The following FGD4 variants were observed in gnomAD, a reference collection of about 807,000 sequenced individuals.
FGD4 encodes FYVE, RhoGEF and PH domain containing 4.
Under a neutral mutation model 102.0 loss-of-function variants are expected in FGD4, and 42 were observed. The observed-to-expected ratio is 0.41, with a 90% confidence interval of 0.32 to 0.53. FGD4 has a LOEUF of 0.53. Among genes scored for constraint, FGD4 ranks in the 20% least tolerant of loss-of-function variants. The pLI, the probability that FGD4 is intolerant of heterozygous loss-of-function variation, is 0.21. For missense variants in FGD4, 902 were observed against 1,078.2 expected (o/e 0.84, Z 2.29); for synonymous variants, 380 against 375.7 (o/e 1.01, Z -0.13).
At chr12:32,554,576 A>C (rs1277458216) in intron 1 of FGD4, among the ~76,000 whole-genome samples, 4 of 152,224 alleles carry the variant, frequency 2.6e-5, no homozygotes, top group Non-Finnish European at 5.9e-5. Flanking sequence ...AACCAGGGAA[A>C]ACTGACAATA....
chr12:32,551,932 C>G (rs1482447767), intron 1 of FGD4, among the ~76,000 whole-genome samples: 1 of 152,200 alleles, frequency 6.6e-6, no homozygotes, highest in African/African-American at 2.4e-5. Flanking sequence ...GCCCATTTGT[C>G]ACCACCAACA....
chr12:32,442,443 T>TTATGAAGG (rs1942472931), intron 1 of FGD4, among the ~76,000 whole-genome samples: 1 of 152,126 alleles, frequency 6.6e-6, no homozygotes. Flanking sequence ...CTTTTGGTTC[T>TTATGAAGG]TATGAAGGTG....
At chr12:32,564,014 G>A (rs1334328915) in intron 1 of FGD4, 123 bp from the exon 2 acceptor site, 2 of 898,752 alleles carry the variant, frequency 2.2e-6, no homozygotes, top group East Asian at 5.5e-5. Flanking sequence ...ACCGTGGAAA[G>A]GGGAGAGGGA....
rs11287949 is a variant in FGD4 at position 32,544,731 on chromosome 12, C to CA, written c.167-19394dup. 0.014 allele frequency among the ~76,000 whole-genome samples: 2,036 copies of CA among 143,524 alleles called. 48 individuals carry two copies. The highest frequency in any genetic ancestry group is 0.047 in the African/African-American group (1,879 of 40,068). The allele number at this position is 143,524 out of a possible 152,430, so 94.2% of individuals were successfully genotyped here. The stretch of plus-strand genomic sequence containing the variant: ...TGGTGACAGAAGGATACTCTGTCTC[C>CA]AAAAAAAAAAAATTACTATTAAAAT... On this transcript the variant is annotated intron_variant, in intron 1 of 16. Transcript: ENST00000534526. This position sits in a 1 kb window ranked among gnomAD's most constrained non-coding sequence, Gnocchi z 4.1.
rs1460495630 is a variant in FGD4 at position 32,566,936 on chromosome 12, GAAAGCAGAAAGAA to G, written c.319+2656_319+2668del. Among the ~76,000 whole-genome samples the G allele has an allele frequency of 2.6e-5, 4 of 152,214 alleles. No individual in the cohort carries two copies. The South Asian group carries it at 8.3e-4, about 32-fold the overall frequency. On this transcript the variant is annotated intron_variant, in intron 2 of 16. Transcript: ENST00000534526. ...TGGAGTCAGGCTGGCAGGAGCAGGG[GAAAGCAGAAAGAA>G]AAAGCAGATAAACTGTTAAGTCTGC...
At chr12:32,457,587 C>T (rs2136487491) in intron 1 of FGD4, among the ~76,000 whole-genome samples, 1 of 152,298 alleles carries the variant, frequency 6.6e-6, no homozygotes, top group East Asian at 1.9e-4. Flanking sequence ...TATGGAATAA[C>T]ATGTACTGTT....
intron 14 of FGD4, among the ~76,000 whole-genome samples, chr12:32,628,708 C>T (rs997399168): frequency 2.6e-5 from 4 of 152,040 alleles, no homozygotes; most frequent in African/African-American, 9.7e-5. Context: ...ATCACTTGAA[C>T]CGGGGAGGCG....
chr12:32,515,309 T>C (rs2136697157), intron 1 of FGD4, among the ~76,000 whole-genome samples: 1 of 152,316 alleles, frequency 6.6e-6, no homozygotes, highest in African/African-American at 2.4e-5. Context: ...TGCTCCATTC[T>C]TGTCCAGATT....
At chr12:32,624,319 C>A in intron 11 of FGD4, 103 bp from the exon 12 acceptor site, 1 of 921,250 alleles carries the variant, frequency 1.1e-6, no homozygotes, top group African/African-American at 1.7e-5. Context: ...CATAACATCC[C>A]TGAATTTTCC....
intron 1 of FGD4, among the ~76,000 whole-genome samples, chr12:32,413,719 C>T (rs1325435954): frequency 6.6e-6 from 1 of 152,286 alleles, no homozygotes; most frequent in African/African-American, 2.4e-5. Flanking sequence ...AATCCAACCA[C>T]CTTGGGCGTG....
chr12:32,622,808 G>A (rs1050184878), intron 11 of FGD4, among the ~76,000 whole-genome samples: 5 of 151,912 alleles, frequency 3.3e-5, no homozygotes, highest in African/African-American at 1.2e-4. Flanking sequence ...GTCCAGGCTG[G>A]TCTCAAACTC....
At position 32,417,351 on chromosome 12, in the gene FGD4, A is replaced by T. The variant is rs951146591; in HGVS notation, c.166+17392A>T. On this transcript the variant is annotated intron_variant, in intron 1 of 16. Coordinates refer to ENST00000534526, the MANE Select transcript of FGD4 (RefSeq NM_001370298.3). ...TGCTGGATACACTATTCTAGGGTAA[A>T]TTTTTTTTTTCTTCCGCATTTTAAA... Among the ~76,000 whole-genome samples the T allele has an allele frequency of 2.7e-5, 4 of 150,266 alleles. No individual in the cohort carries two copies. In the Admixed American group the frequency reaches 2.7e-4, roughly 10 times the overall value.
chr12:32,430,153 C>T (rs935000931), intron 1 of FGD4, among the ~76,000 whole-genome samples: 3 of 151,940 alleles, frequency 2.0e-5, no homozygotes, highest in Non-Finnish European at 4.4e-5. Context: ...ACTAAAAATA[C>T]AAAAATTAGC....
intron 1 of FGD4, among the ~76,000 whole-genome samples, chr12:32,526,649 C>T (rs182073202): frequency 9.9e-5 from 15 of 152,216 alleles, no homozygotes; most frequent in South Asian, 2.1e-4. Context: ...CCCTTCCACA[C>T]TGTGGGAGCT....
intron 1 of FGD4, among the ~76,000 whole-genome samples, chr12:32,454,782 T>G (rs1283414729): frequency 6.6e-6 from 1 of 152,174 alleles, no homozygotes; most frequent in African/African-American, 2.4e-5. Flanking sequence ...GCAGTACAAT[T>G]TAGAGTCTCA....
chr12:32,466,953 C>T (rs920487064), intron 1 of FGD4, among the ~76,000 whole-genome samples: 1 of 151,878 alleles, frequency 6.6e-6, no homozygotes. Flanking sequence ...GGGCATCAGC[C>T]TTCACCACCC....
intron 1 of FGD4, among the ~76,000 whole-genome samples, chr12:32,410,633 A>C (rs140687054): frequency 3.9e-5 from 6 of 152,314 alleles, no homozygotes; most frequent in African/African-American, 1.4e-4. Flanking sequence ...TGCCTCACTT[A>C]AGCGAGAATA....
intron 1 of FGD4, among the ~76,000 whole-genome samples, chr12:32,423,591 CAAAA>C (rs35872227): frequency 1.4e-5 from 1 of 72,894 alleles, no homozygotes; most frequent in Non-Finnish European, 3.2e-5. Flanking sequence ...GACTTCATCT[CAAAA>C]AAAAAAAAAA....
chr12:32,602,026 G>A lies in FGD4; in HGVS notation c.1248-135G>A, dbSNP rs560475834. ...GCTACTGAGAGTGCTGAAGCTGGAGGATTGATTGAACCTGGGAGGTCGAGG... is the reference window on the plus strand; with the variant it reads ...GCTACTGAGAGTGCTGAAGCTGGAGAATTGATTGAACCTGGGAGGTCGAGG... On this transcript the variant is annotated intron_variant, in intron 6 of 16. Transcript: ENST00000534526. The A allele has an allele frequency of 1.9e-5, 14 of 742,368 alleles. No homozygotes were observed. In the South Asian group the frequency reaches 2.4e-4, roughly 12 times the overall value. The allele number at this position is 742,368 out of a possible 1,614,324, so 46.0% of individuals were successfully genotyped here.
Sources: allele counts gnomAD v4.1 joint callset (sites outside exome capture counted in the v4.1 genomes callset), GRCh38; gene constraint gnomAD v4.1.1; non-coding constraint Gnocchi (gnomAD v3.1); transcripts MANE v1.5; gene names NCBI Gene and HGNC (gene_info 2026-07-23, HGNC 2026-07-21).